ADAMTSL1: variants seen among roughly 807,000 people sequenced by gnomAD.
ADAMTSL1 encodes ADAMTS like 1, also known as ADAMTS-like protein 1.
A neutral mutation model predicts 201.8 loss-of-function variants in ADAMTSL1; 126 were observed. The ratio of observed to expected loss-of-function variants is 0.62; its 90% confidence interval spans 0.54 to 0.72. The LOEUF (loss-of-function observed/expected upper bound fraction) is 0.72, where lower values mean the gene tolerates loss of function less well. Ranked by LOEUF, ADAMTSL1 falls within the 30% of genes least tolerant of loss-of-function variation. ADAMTSL1 has a pLI of 0.00. For synonymous variants in ADAMTSL1, 1,121 were observed against 903.4 expected (o/e 1.24, Z -4.32); for missense variants, 2,679 against 2,277.8 (o/e 1.18, Z -3.59).
chr9:18,299,021 A>AT (rs202212633), intron 2 of ADAMTSL1, among the ~76,000 whole-genome samples: 7,459 of 149,652 alleles, frequency 0.05, 240 homozygotes, highest in South Asian at 0.13. Context: ...CAAAAAAAAA[A>AT]AATAATAATA....
At chr9:18,837,898 A>G (rs532767185) in intron 23 of ADAMTSL1, among the ~76,000 whole-genome samples, 1 of 152,276 alleles carries the variant, frequency 6.6e-6, no homozygotes, top group African/African-American at 2.4e-5. Context: ...GGGAGTCGTG[A>G]CATATTCCCT....
intron 13 of ADAMTSL1, among the ~76,000 whole-genome samples, chr9:18,695,575 C>A (rs1831502101): frequency 6.6e-6 from 1 of 152,204 alleles, no homozygotes; most frequent in East Asian, 1.9e-4. Flanking sequence ...TTATCACTTT[C>A]AAGTTCAAGG....
chr9:17,925,877 C>A (rs1344345660), intron 1 of ADAMTSL1, among the ~76,000 whole-genome samples: 1 of 151,446 alleles, frequency 6.6e-6, no homozygotes, highest in East Asian at 1.9e-4. Context: ...AGAAAACCAT[C>A]CAAAGCATCC....
chr9:18,687,926 A>G (rs1174906224), intron 13 of ADAMTSL1, among the ~76,000 whole-genome samples: 1 of 152,170 alleles, frequency 6.6e-6, no homozygotes, highest in Admixed American at 6.5e-5. Context: ...GAACCACTGA[A>G]ATAAATATGG....
intron 1 of ADAMTSL1, among the ~76,000 whole-genome samples, chr9:18,064,582 C>G (rs10733348): frequency 0.52 from 79,687 of 151,974 alleles, 20,941 homozygotes; most frequent in African/African-American, 0.54. Context: ...GAGAGCAGAA[C>G]TTCTCTCTCC....
At chr9:18,161,068 G>C (rs779113585) in intron 1 of ADAMTSL1, among the ~76,000 whole-genome samples, 2 of 151,780 alleles carry the variant, frequency 1.3e-5, no homozygotes, top group African/African-American at 4.8e-5. Flanking sequence ...TGAACATCTT[G>C]ATATGTATTA....
chr9:18,166,988 T>G (rs1041159041), intron 2 of ADAMTSL1, among the ~76,000 whole-genome samples: 1 of 151,992 alleles, frequency 6.6e-6, no homozygotes, highest in African/African-American at 2.4e-5. Flanking sequence ...AGGGCTAATT[T>G]CGTTCTCTGC....
chr9:17,908,607 C>A (rs1825814536), intron 1 of ADAMTSL1, among the ~76,000 whole-genome samples: 1 of 152,058 alleles, frequency 6.6e-6, no homozygotes, highest in South Asian at 2.1e-4. Context: ...CAGGCATTTG[C>A]CACGACGCCT....
chr9:18,680,614 T>C (rs1429117701), intron 11 of ADAMTSL1, 98 bp downstream of exon 11: 2 of 1,351,304 alleles, frequency 1.5e-6, no homozygotes, highest in African/African-American at 2.9e-5. Context: ...CTCCACACTC[T>C]TCTTGAGGTG....
At chr9:18,819,812 A>C (rs902801416) in intron 21 of ADAMTSL1, among the ~76,000 whole-genome samples, 4 of 152,216 alleles carry the variant, frequency 2.6e-5, no homozygotes, top group African/African-American at 9.6e-5. Flanking sequence ...ATACTCATTC[A>C]AAGTAGGTGG....
At chr9:18,343,175 T>G (rs1835548060) in intron 2 of ADAMTSL1, among the ~76,000 whole-genome samples, 1 of 151,902 alleles carries the variant, frequency 6.6e-6, no homozygotes, top group African/African-American at 2.4e-5. Context: ...GAAATAAAAG[T>G]TTTTCCTTAA....
chr9:18,265,946 A>G (rs946313378), intron 2 of ADAMTSL1, among the ~76,000 whole-genome samples: 1 of 152,192 alleles, frequency 6.6e-6, no homozygotes, highest in Non-Finnish European at 1.5e-5. Context: ...GCCAACAGGG[A>G]CATTTACTAT....
chr9:18,620,015 ATTTTTTTTT>A (rs35177614), intron 4 of ADAMTSL1, among the ~76,000 whole-genome samples: 2 of 101,260 alleles, frequency 2.0e-5, no homozygotes, highest in African/African-American at 3.9e-5. Flanking sequence ...CAGTTTTCTG[ATTTTTTTTT>A]TTTTTTTTTT....
Position 18,657,678 on chromosome 9 carries a change from A to ATCT in ADAMTSL1, c.878_880dup (p.Phe293dup). On this transcript the variant is annotated inframe_insertion, in exon 8 of 29. Coordinates refer to ENST00000380548, the MANE Select transcript of ADAMTSL1 (RefSeq NM_001040272.6). The stretch of plus-strand genomic sequence containing the variant: ...CTCCGCTGACAGTACAGTCCAGTTC[A>ATCT]TCTTCTATCAACCCATCATCCACCG... 6 of 1,614,208 alleles carry ATCT rather than the reference A, an allele frequency of 3.7e-6. No homozygotes were observed. Among genetic ancestry groups the ATCT allele is most frequent in the Non-Finnish European group, 5.1e-6 (6 of 1,180,034 alleles).
chr9:18,763,598 G>A (rs567037802), intron 16 of ADAMTSL1, among the ~76,000 whole-genome samples: 1 of 151,976 alleles, frequency 6.6e-6, no homozygotes, highest in Admixed American at 6.5e-5. Flanking sequence ...ATTTTTTTTT[G>A]TAGTAGCCTC....
At chr9:18,106,762 G>C (rs138525220) in intron 1 of ADAMTSL1, among the ~76,000 whole-genome samples, 1 of 152,172 alleles carries the variant, frequency 6.6e-6, no homozygotes, top group East Asian at 1.9e-4. Flanking sequence ...CAGAACAGCT[G>C]ACAAGTAGCA....
At chr9:18,590,885 A>G (rs1022246383) in intron 4 of ADAMTSL1, among the ~76,000 whole-genome samples, 6 of 152,144 alleles carry the variant, frequency 3.9e-5, no homozygotes, top group Non-Finnish European at 7.4e-5. Flanking sequence ...ATTGTGGTCA[A>G]AAAAGATACT....
At chr9:18,631,396 C>T (rs10963685) in intron 5 of ADAMTSL1, among the ~76,000 whole-genome samples, 20,040 of 152,080 alleles carry the variant, frequency 0.13, 1,444 homozygotes, top group Admixed American at 0.2. Context: ...GTAATAAAAC[C>T]GTCACGAAGA....
intron 2 of ADAMTSL1, among the ~76,000 whole-genome samples, chr9:18,242,759 GT>G (rs1490848331): frequency 6.6e-6 from 1 of 152,108 alleles, no homozygotes; most frequent in South Asian, 2.1e-4. Context: ...ATTTATGATA[GT>G]TTTTTAAAAA....
Sources: allele counts gnomAD v4.1 joint callset (sites outside exome capture counted in the v4.1 genomes callset), GRCh38; gene constraint gnomAD v4.1.1; transcripts MANE v1.5; gene names NCBI Gene and HGNC (gene_info 2026-07-23, HGNC 2026-07-21).